ABHD12: variants seen among roughly 807,000 people sequenced by gnomAD.
The protein encoded by ABHD12 is lysophosphatidylserine lipase ABHD12.
Under a neutral mutation model 58.3 loss-of-function variants are expected in ABHD12, and 43 were observed. The ratio of observed to expected loss-of-function variants is 0.74; its 90% CI spans 0.58 to 0.95. ABHD12 has a LOEUF of 0.95. Among genes scored for constraint, ABHD12 ranks in the 40% least tolerant of loss-of-function variants. The pLI, the probability that ABHD12 is intolerant of heterozygous loss-of-function variation, is 0.00. For synonymous variants in ABHD12, 219 were observed against 211.2 expected (o/e 1.04, Z -0.32); for missense variants, 539 against 537.2 (o/e 1.00, Z -0.03).
intron 1 of ABHD12, among the ~76,000 whole-genome samples, chr20:25,367,628 T>C (rs1029645660): frequency 6.6e-6 from 1 of 152,260 alleles, no homozygotes; most frequent in Non-Finnish European, 1.5e-5. Flanking sequence ...TACTAGTACC[T>C]TGACGACTCT....
chr20:25,355,973 A>C (rs1406917403), intron 1 of ABHD12, among the ~76,000 whole-genome samples: 1 of 152,240 alleles, frequency 6.6e-6, no homozygotes, highest in Non-Finnish European at 1.5e-5. Flanking sequence ...AAACTGGGCC[A>C]ATAATAGGAG....
At chr20:25,303,774 A>G in intron 10 of ABHD12, 146 bp from the exon 11 acceptor site, 1 of 1,148,822 alleles carries the variant, frequency 8.7e-7, no homozygotes, top group Non-Finnish European at 1.3e-6. Flanking sequence ...GACAACTGAA[A>G]GTTAACTCTT....
chr20:25,356,892 T>G (rs150695574), intron 1 of ABHD12, among the ~76,000 whole-genome samples: 1 of 152,060 alleles, frequency 6.6e-6, no homozygotes, highest in East Asian at 1.9e-4. Context: ...TCCCAGCACG[T>G]TGGGAGGCCA....
At chr20:25,302,709 G>A (rs2088659907) in intron 11 of ABHD12, among the ~76,000 whole-genome samples, 1 of 152,218 alleles carries the variant, frequency 6.6e-6, no homozygotes, top group Non-Finnish European at 1.5e-5. Context: ...TAGCTAAGAT[G>A]GGCTTGATGT....
At chr20:25,306,375 C>G (rs2088741703) in intron 10 of ABHD12, among the ~76,000 whole-genome samples, 1 of 152,050 alleles carries the variant, frequency 6.6e-6, no homozygotes, top group Non-Finnish European at 1.5e-5. Flanking sequence ...CCCTGGCCCA[C>G]AATTTTTTTT....
chr20:25,301,004 C>T, intron 12 of ABHD12, 120 bp from the exon 13 acceptor site: 1 of 1,053,524 alleles, frequency 9.5e-7, no homozygotes, highest in Admixed American at 2.0e-5. Flanking sequence ...AGCCAAGAGC[C>T]CCATGAGGAT....
chr20:25,315,821 G>GTGTGCCCCCGCCTCTGTC lies in ABHD12; in HGVS notation c.574-869_574-852dup, dbSNP rs568737168. Among the ~76,000 whole-genome samples the GTGTGCCCCCGCCTCTGTC allele has an allele frequency of 6.1e-3, 932 of 152,312 alleles. 8 individuals carry two copies. The highest frequency in any genetic ancestry group is 0.022 in the African/African-American group (894 of 41,550). On this transcript the variant is annotated intron_variant, in intron 5 of 12. Coordinates refer to ENST00000339157, the MANE Select transcript of ABHD12 (RefSeq NM_001042472.3). ...AAATCCTCCAATAGCTCAGAGCTGG[G>GTGTGCCCCCGCCTCTGTC]TGTGCCCCCGCCTCTGTCTGTGCCC...
At position 25,300,222 on chromosome 20, in the gene ABHD12, C is replaced by A; in HGVS notation, c.*623G>T. The A allele has an allele frequency of 1.0e-6, 1 of 997,822 alleles. No homozygotes were observed. Among genetic ancestry groups the A allele is most frequent in the Non-Finnish European group, 1.2e-6 (1 of 836,648 alleles). 61.8% of individuals were successfully genotyped at this position (997,822 alleles called of 1,614,324 possible). ...CTGCAGAGAGACAAAAGGACCACCA[C>A]CACGATTTTATTCTTAAATAAAGCT... is the stretch of plus-strand genomic sequence containing the variant. On this transcript the variant is annotated 3_prime_UTR_variant, in exon 13 of 13. Coordinates refer to ENST00000339157, the MANE Select transcript of ABHD12 (RefSeq NM_001042472.3).
At chr20:25,322,081 TG>T (rs1473613137) in intron 3 of ABHD12, among the ~76,000 whole-genome samples, 1 of 152,100 alleles carries the variant, frequency 6.6e-6, no homozygotes, top group Non-Finnish European at 1.5e-5. Context: ...AAAAGGGCTG[TG>T]ATTCAGGCTC....
At chr20:25,321,270 C>T (rs2089061221) in intron 3 of ABHD12, among the ~76,000 whole-genome samples, 1 of 152,252 alleles carries the variant, frequency 6.6e-6, no homozygotes, top group African/African-American at 2.4e-5. Context: ...CAAACCTGGG[C>T]TCCTGACAAA....
intron 1 of ABHD12, among the ~76,000 whole-genome samples, chr20:25,366,948 T>G (rs1166475415): frequency 6.6e-6 from 1 of 152,222 alleles, no homozygotes; most frequent in Non-Finnish European, 1.5e-5. Flanking sequence ...ATGGCACTTC[T>G]GTAGGTCATT....
At chr20:25,384,843 A>G (rs759207269) in intron 1 of ABHD12, among the ~76,000 whole-genome samples, 1 of 152,214 alleles carries the variant, frequency 6.6e-6, no homozygotes, top group Non-Finnish European at 1.5e-5. Flanking sequence ...CCAGGCAGCA[A>G]CAGGACAGGG....
At chr20:25,320,644 C>T (rs951176077) in intron 3 of ABHD12, among the ~76,000 whole-genome samples, 4 of 152,202 alleles carry the variant, frequency 2.6e-5, no homozygotes, top group Non-Finnish European at 2.9e-5. Context: ...AGCACTTAGT[C>T]CATCTTGAGT....
chr20:25,296,393 G>A (rs771588232), downstream of ABHD12: 1 of 1,614,078 alleles, frequency 6.2e-7, no homozygotes, highest in Non-Finnish European at 8.5e-7. Flanking sequence ...GGACCAAGAA[G>A]GTCATCAGGA....
intron 7 of ABHD12, among the ~76,000 whole-genome samples, chr20:25,308,800 G>A (rs536090115): frequency 1.3e-4 from 20 of 152,322 alleles, no homozygotes; most frequent in Admixed American, 8.5e-4. Context: ...GGTGGCCAGC[G>A]TCTGCCTGCA....
rs150289038 is a variant in ABHD12, at chr20:25,380,252, T to C, written c.191+10261A>G. Among the ~76,000 whole-genome samples the C allele has an allele frequency of 1.4e-3, 211 of 152,208 alleles. 1 individual carries two copies. Among genetic ancestry groups the C allele is most frequent in the African/African-American group, 4.7e-3 (197 of 41,530 alleles). ...TGGAACACATGGAATACAATTACCA[T>C]TGAGTGGTTTCTTTTGTTGTTTTTT... is the stretch of plus-strand genomic sequence containing the variant. On this transcript the variant is annotated intron_variant, in intron 1 of 12. Transcript: ENST00000339157.
intron 1 of ABHD12, among the ~76,000 whole-genome samples, chr20:25,345,221 G>T (rs559809865): frequency 1.3e-5 from 2 of 152,064 alleles, no homozygotes; most frequent in Non-Finnish European, 2.9e-5. Context: ...GAGCAGCTGA[G>T]ACTACAGGTG....
intron 1 of ABHD12, among the ~76,000 whole-genome samples, chr20:25,348,475 G>A (rs979342906): frequency 2.8e-5 from 4 of 144,982 alleles, no homozygotes; most frequent in Non-Finnish European, 6.0e-5. Flanking sequence ...AAACAAATGC[G>A]CTGGGTGTGC....
At chr20:25,308,361 C>T (rs1442357768) in intron 8 of ABHD12, 96 bp downstream of exon 8, 5 of 1,468,914 alleles carry the variant, frequency 3.4e-6, no homozygotes, top group South Asian at 1.2e-5. Context: ...GCAGCTCATG[C>T]TGCTCCATGA....
Sources: gnomAD v4.1 joint callset for allele counts (sites outside exome capture counted in the v4.1 genomes callset) on GRCh38, gnomAD v4.1.1 for gene constraint, MANE v1.5 for transcripts, NCBI Gene and HGNC (gene_info 2026-07-23, HGNC 2026-07-21) for gene names.